The following ANKRD30A variants were observed in gnomAD, a reference collection of about 807,000 sequenced individuals.
The protein encoded by ANKRD30A is ankyrin repeat domain 30A.
In ANKRD30A, 170 loss-of-function variants were observed where a neutral mutation model predicts 166.3. The observed-to-expected ratio is 1.02, with a 90% CI of 0.90 to 1.16. The LOEUF (loss-of-function observed/expected upper bound fraction) is 1.16, where lower values mean the gene tolerates loss of function less well. Among genes scored for constraint, ANKRD30A ranks in the 50% most tolerant of loss-of-function variants. ANKRD30A has a pLI of 0.00. For synonymous variants in ANKRD30A, 564 were observed against 508.9 expected (o/e 1.11, Z -1.46); for missense variants, 1,630 against 1,518.0 (o/e 1.07, Z -1.23).
intron 11 of ANKRD30A, among the ~76,000 whole-genome samples, 177 bp from the exon 12 acceptor site, chr10:37,151,883 T>C (rs1482676578): frequency 2.0e-5 from 3 of 152,248 alleles, no homozygotes; most frequent in Admixed American, 1.3e-4. Context: ...TTCAGACTTT[T>C]TAGATTTCAA....
At chr10:37,197,222 T>A (rs1841204842) in intron 27 of ANKRD30A, 59 bp from the exon 28 acceptor site, 2 of 1,599,616 alleles carry the variant, frequency 1.3e-6, no homozygotes, top group Non-Finnish European at 1.7e-6. Flanking sequence ...ACGGCATTCA[T>A]TTGTGGCTGG....
At chr10:37,210,055 C>A (rs1459278540) in intron 31 of ANKRD30A, among the ~76,000 whole-genome samples, 2 of 152,076 alleles carry the variant, frequency 1.3e-5, no homozygotes, top group Non-Finnish European at 2.9e-5. Context: ...TGGTGGTTTG[C>A]TGTACCCATC....
intron 30 of ANKRD30A, 93 bp from the exon 31 acceptor site, chr10:37,201,142 T>C: frequency 3.7e-6 from 4 of 1,089,290 alleles, no homozygotes; most frequent in Non-Finnish European, 5.1e-6. Flanking sequence ...AATAGGACTT[T>C]TTTTTAAAAA....
intron 28 of ANKRD30A, 37 bp from the exon 29 acceptor site, chr10:37,197,371 A>G (rs1321494488): frequency 6.2e-7 from 1 of 1,612,750 alleles, no homozygotes; most frequent in African/African-American, 1.3e-5. Context: ...TGAAGTATAC[A>G]TTCTTTATTA....
At chr10:37,241,852 A>C in the ANKRD30A span, 1 of 152,152 alleles carries the variant, frequency 6.6e-6, no homozygotes, top group South Asian at 2.1e-4. Context: ...CTTAAAATTA[A>C]AGAAAAGTTT....
intron 15 of ANKRD30A, among the ~76,000 whole-genome samples, chr10:37,158,803 T>C (rs995800013): frequency 1.3e-5 from 2 of 152,174 alleles, no homozygotes; most frequent in Admixed American, 6.5e-5. Flanking sequence ...CCTCATGTGG[T>C]TCTACTTTAA....
At chr10:37,248,579 C>T in the ANKRD30A span, among the ~76,000 whole-genome samples, 2 of 152,066 alleles carry the variant, frequency 1.3e-5, no homozygotes, top group South Asian at 2.1e-4. Flanking sequence ...ATCACACAGC[C>T]CTGCATGGAG....
chr10:37,158,365 C>T, intron 13 of ANKRD30A, 27 bp from the exon 14 acceptor site: 2 of 1,600,700 alleles, frequency 1.2e-6, no homozygotes, highest in East Asian at 2.2e-5. Flanking sequence ...TGCATATAAT[C>T]AATTATGTAT....
chr10:37,151,996 A>G (rs1837973790), intron 11 of ANKRD30A, 64 bp from the exon 12 acceptor site: 1 of 1,405,482 alleles, frequency 7.1e-7, no homozygotes. Context: ...AGATTTGTAT[A>G]TGTTTTTAAA....
the ANKRD30A span, among the ~76,000 whole-genome samples, chr10:37,238,291 C>A: frequency 1.3e-5 from 2 of 152,160 alleles, no homozygotes; most frequent in Non-Finnish European, 1.5e-5. Flanking sequence ...GCCACTTCAG[C>A]ACTGCAAGAG....
intron 3 of ANKRD30A, 75 bp downstream of exon 3, chr10:37,130,453 T>A (rs182727409): frequency 5.0e-6 from 6 of 1,199,096 alleles, no homozygotes; most frequent in Admixed American, 6.3e-5. Context: ...TAAGGTTTTT[T>A]ATATTTGGAA....
In ANKRD30A at chr10:37,216,333, G is replaced by GAAAT. The variant is rs1564583087; in HGVS notation, c.3026_3029dup (p.Lys1010AsnfsTer11). 6 of 1,608,452 alleles carry GAAAT rather than the reference G, an allele frequency of 3.7e-6. No homozygotes were observed. Among genetic ancestry groups the GAAAT allele is most frequent in the Admixed American group, 3.4e-5 (2 of 59,534 alleles). On this transcript the variant is annotated frameshift_variant, in exon 32 of 36. Transcript: ENST00000361713. LOFTEE classifies it high-confidence loss of function. ...GAAAAAGAAACTGTCAGAAGCAAAA[G>GAAAT]AAATAAAATCACAGTTAGAGAACCA...
intron 31 of ANKRD30A, among the ~76,000 whole-genome samples, chr10:37,204,289 G>A (rs775400840): frequency 8.6e-5 from 13 of 151,912 alleles, no homozygotes; most frequent in South Asian, 2.1e-4. Flanking sequence ...CCAAAACAGA[G>A]ATATAGATGA....
the ANKRD30A span, among the ~76,000 whole-genome samples, chr10:37,265,538 C>T: frequency 1.3e-5 from 2 of 152,200 alleles, no homozygotes; most frequent in African/African-American, 4.8e-5. Flanking sequence ...TCTGGGCTCC[C>T]AGGAACCCAA....
the ANKRD30A span, among the ~76,000 whole-genome samples, chr10:37,242,520 G>T: frequency 6.6e-6 from 1 of 152,024 alleles, no homozygotes. Context: ...TATCAGTATG[G>T]ATTCATGGTT....
chr10:37,132,186 T>G (rs546564931), intron 3 of ANKRD30A, 54 bp from the exon 4 acceptor site: 16 of 1,276,944 alleles, frequency 1.3e-5, no homozygotes, highest in Middle Eastern at 1.9e-4. Flanking sequence ...GGTATTCAGT[T>G]CAGCTGAGAA....
At chr10:37,145,512 T>TA (rs926904248) in intron 8 of ANKRD30A, among the ~76,000 whole-genome samples, 13 of 83,352 alleles carry the variant, frequency 1.6e-4, no homozygotes, top group East Asian at 3.7e-4. Context: ...AAGAAATACT[T>TA]AAAAAAAAAT....
intron 34 of ANKRD30A, 70 bp downstream of exon 34, chr10:37,219,967 G>T: frequency 9.6e-7 from 1 of 1,036,646 alleles, no homozygotes. Context: ...TTTGGCCTTG[G>T]CTAAATGCTG....
At chr10:37,161,127 A>G (rs187801365) in intron 15 of ANKRD30A, among the ~76,000 whole-genome samples, 3 of 152,248 alleles carry the variant, frequency 2.0e-5, no homozygotes, top group Admixed American at 6.5e-5. Context: ...GGTGGCACGC[A>G]TTTCTAATAA....
Sources: gnomAD v4.1 joint callset for allele counts (sites outside exome capture counted in the v4.1 genomes callset) on GRCh38, gnomAD v4.1.1 for gene constraint, MANE v1.5 for transcripts, NCBI Gene and HGNC (gene_info 2026-07-23, HGNC 2026-07-21) for gene names.